GHR: variants seen among roughly 807,000 people sequenced by gnomAD.
GHR encodes growth hormone receptor.
GHR carries 35 observed loss-of-function variants against 67.1 expected under a neutral mutation model. That is an observed-to-expected ratio of 0.52 (90% CI 0.40 to 0.69). The LOEUF (loss-of-function observed/expected upper bound fraction) is 0.69, where lower values mean the gene tolerates loss of function less well. Among genes scored for constraint, GHR ranks in the 30% least tolerant of loss-of-function variants. The pLI, the probability that GHR is intolerant of heterozygous loss-of-function variation, is 0.00. For missense variants in GHR, 792 were observed against 764.6 expected (o/e 1.04, Z -0.42); for synonymous variants, 272 against 269.1 (o/e 1.01, Z -0.10).
intron 2 of GHR, among the ~76,000 whole-genome samples, chr5:42,619,034 A>G (rs10074181): frequency 8.5e-5 from 13 of 152,274 alleles, no homozygotes; most frequent in African/African-American, 2.9e-4. Context: ...GTACCATGGA[A>G]TAAAGTTAAT....
At chr5:42,436,894 T>C (rs1408092545) in intron 1 of GHR, among the ~76,000 whole-genome samples, 16 of 152,340 alleles carry the variant, frequency 1.1e-4, no homozygotes, top group Non-Finnish European at 1.6e-4. Context: ...GCTTTGGCTC[T>C]GGGAAGATAA....
At chr5:42,520,398 T>A (rs1313487749) in intron 1 of GHR, among the ~76,000 whole-genome samples, 2 of 152,180 alleles carry the variant, frequency 1.3e-5, no homozygotes, top group African/African-American at 2.4e-5. Context: ...AGCTTTATGG[T>A]CAGAGATCTC....
At chr5:42,580,325 T>C (rs1400928942) in intron 2 of GHR, among the ~76,000 whole-genome samples, 2 of 152,168 alleles carry the variant, frequency 1.3e-5, no homozygotes, top group Non-Finnish European at 2.9e-5. Context: ...ATGGTCATGC[T>C]GCTTGCTTTA....
chr5:42,609,584 T>C (rs1289104374), intron 2 of GHR, among the ~76,000 whole-genome samples: 1 of 152,136 alleles, frequency 6.6e-6, no homozygotes, highest in African/African-American at 2.4e-5. Context: ...CAGTGGTGTC[T>C]TCCTGCAGGA....
chr5:42,704,143 A>G (rs1758062434), intron 6 of GHR, among the ~76,000 whole-genome samples: 1 of 152,102 alleles, frequency 6.6e-6, no homozygotes, highest in African/African-American at 2.4e-5. Context: ...CTTGTTCCTC[A>G]TCTTAGAAGA....
At chr5:42,470,853 TG>T (rs1744982650) in intron 1 of GHR, among the ~76,000 whole-genome samples, 1 of 152,230 alleles carries the variant, frequency 6.6e-6, no homozygotes, top group Non-Finnish European at 1.5e-5. Context: ...GCTGCTTCTG[TG>T]ACTGCATTGC....
At chr5:42,438,104 T>G (rs1743412144) in intron 1 of GHR, among the ~76,000 whole-genome samples, 1 of 152,190 alleles carries the variant, frequency 6.6e-6, no homozygotes, top group Non-Finnish European at 1.5e-5. Context: ...TTAGTTTGCT[T>G]AAGCAATTAC....
At chr5:42,705,916 G>T (rs965063853) in intron 6 of GHR, among the ~76,000 whole-genome samples, 3 of 152,060 alleles carry the variant, frequency 2.0e-5, no homozygotes, top group Non-Finnish European at 4.4e-5. Flanking sequence ...ACCCAATAAC[G>T]GGACTGCTGG....
chr5:42,640,087 T>C (rs1192273780), intron 3 of GHR, among the ~76,000 whole-genome samples: 1 of 152,188 alleles, frequency 6.6e-6, no homozygotes, highest in Non-Finnish European at 1.5e-5. Flanking sequence ...GTAGATGCAT[T>C]TTCTCTTTTG....
At chr5:42,504,935 G>C (rs1388571971) in intron 1 of GHR, among the ~76,000 whole-genome samples, 2 of 152,152 alleles carry the variant, frequency 1.3e-5, no homozygotes, top group African/African-American at 4.8e-5. Flanking sequence ...AGAGGCATCA[G>C]CTAGCCCTAT....
rs777751803 is a variant in GHR, at chr5:42,711,273, C to T, written c.685C>T (p.Arg229Cys). The change falls in exon 7 of 10, where the codon CGT (arginine) becomes TGT (cysteine). Residue 229 changes from arginine to cysteine, a missense_variant. Transcript: ENST00000230882. ...SLKVDKEYEV[R>C]VRSKQRNSGN... ...GAAAGTGGATAAGGAATATGAAGTGCGTGTGAGATCCAAACAACGAAACTC... is the reference window on the plus strand; with the variant it reads ...GAAAGTGGATAAGGAATATGAAGTGTGTGTGAGATCCAAACAACGAAACTC... 13 of 1,611,124 alleles carry T rather than the reference C, an allele frequency of 8.1e-6. No individual in the cohort carries two copies. Among genetic ancestry groups the T allele is most frequent in the South Asian group, 2.2e-5 (2 of 91,008 alleles).
chr5:42,527,754 A>G (rs1747772925), intron 1 of GHR, among the ~76,000 whole-genome samples: 1 of 152,194 alleles, frequency 6.6e-6, no homozygotes, highest in South Asian at 2.1e-4. Flanking sequence ...CAAAATATAC[A>G]TTCTTCTCAT....
intron 2 of GHR, among the ~76,000 whole-genome samples, chr5:42,610,414 G>A (rs1162215452): frequency 3.3e-5 from 5 of 152,076 alleles, no homozygotes; most frequent in African/African-American, 1.2e-4. Context: ...AATGTTTTTG[G>A]GTCTCTCCAG....
chr5:42,494,069 A>G (rs1185761525), intron 1 of GHR, among the ~76,000 whole-genome samples: 1 of 152,192 alleles, frequency 6.6e-6, no homozygotes, highest in African/African-American at 2.4e-5. Flanking sequence ...AGAGAATATA[A>G]GTCCCATAGG....
At chr5:42,611,402 A>G (rs1161532769) in intron 2 of GHR, among the ~76,000 whole-genome samples, 2 of 152,120 alleles carry the variant, frequency 1.3e-5, no homozygotes, top group African/African-American at 4.8e-5. Flanking sequence ...CATTTGAAAT[A>G]TTTGCTCCTT....
chr5:42,664,096 A>T (rs1485499325), intron 3 of GHR, among the ~76,000 whole-genome samples: 2 of 152,226 alleles, frequency 1.3e-5, no homozygotes, highest in East Asian at 3.9e-4. Flanking sequence ...ATAAAAGAGG[A>T]TACAAAGAAA....
chr5:42,622,683 A>G (rs77918486), intron 2 of GHR, among the ~76,000 whole-genome samples: 6,514 of 152,230 alleles, frequency 0.043, 194 homozygotes, highest in Admixed American at 0.087. Flanking sequence ...TTGTGTTTGC[A>G]CTGTCTATTC....
chr5:42,477,833 T>G (rs1013731678), intron 1 of GHR, among the ~76,000 whole-genome samples: 3 of 152,238 alleles, frequency 2.0e-5, no homozygotes, highest in African/African-American at 7.2e-5. Context: ...TTCTGTAGGT[T>G]GCCTGTTCAC....
At chr5:42,442,684 C>T (rs914661359) in intron 1 of GHR, among the ~76,000 whole-genome samples, 5 of 152,136 alleles carry the variant, frequency 3.3e-5, no homozygotes, top group Admixed American at 3.3e-4. Context: ...AGGGCCCATC[C>T]CAGTTTCTCA....
Sources: allele counts gnomAD v4.1 joint callset (sites outside exome capture counted in the v4.1 genomes callset), GRCh38; gene constraint gnomAD v4.1.1; transcripts MANE v1.5; gene names NCBI Gene and HGNC (gene_info 2026-07-23, HGNC 2026-07-21).